SLC9A2: variants seen among roughly 807,000 people sequenced by gnomAD.
SLC9A2 encodes solute carrier family 9 member A2.
A neutral mutation model predicts 71.7 loss-of-function variants in SLC9A2; 42 were observed. The observed-to-expected ratio is 0.59, with a 90% confidence interval of 0.46 to 0.76. The LOEUF (loss-of-function observed/expected upper bound fraction) is 0.76, where lower values mean the gene tolerates loss of function less well. SLC9A2 is among the 30% of genes least tolerant of loss of function. The pLI is 0.00. For missense variants in SLC9A2, 829 were observed against 1,017.4 expected, an observed-to-expected ratio of 0.81 and a Z score of 2.52; for synonymous variants, 396 against 392.5, an observed-to-expected ratio of 1.01 and a Z score of -0.10.
intron 5 of SLC9A2, among the ~76,000 whole-genome samples, chr2:102,688,806 C>A (rs1442517919): frequency 1.3e-5 from 2 of 152,102 alleles, no homozygotes; most frequent in Non-Finnish European, 2.9e-5. Context: ...ATATATTTTT[C>A]TTTGGAAGGA....
chr2:102,688,677 G>C (rs989302972), intron 5 of SLC9A2, among the ~76,000 whole-genome samples: 1 of 152,074 alleles, frequency 6.6e-6, no homozygotes, highest in Non-Finnish European at 1.5e-5. Context: ...GCAGTGAGCC[G>C]AGATTTTGCC....
chr2:102,688,957 A>G (rs1677608460), intron 5 of SLC9A2, among the ~76,000 whole-genome samples: 1 of 152,216 alleles, frequency 6.6e-6, no homozygotes, highest in Admixed American at 6.5e-5. Flanking sequence ...AAGAGATAGC[A>G]GCCTCTTTTG....
chr2:102,689,963 A>G (rs1406077692), intron 5 of SLC9A2, among the ~76,000 whole-genome samples: 1 of 152,172 alleles, frequency 6.6e-6, no homozygotes, highest in Non-Finnish European at 1.5e-5. Context: ...ACACATATAT[A>G]TGAGTCTGGA....
At chr2:102,678,644 G>A (rs1677389670) in intron 3 of SLC9A2, among the ~76,000 whole-genome samples, 1 of 152,196 alleles carries the variant, frequency 6.6e-6, no homozygotes, top group East Asian at 1.9e-4. Flanking sequence ...TGGTGGCACT[G>A]TGATAATGCT....
chr2:102,621,824 G>T (rs1244603616), intron 1 of SLC9A2, among the ~76,000 whole-genome samples: 1 of 152,180 alleles, frequency 6.6e-6, no homozygotes, highest in East Asian at 1.9e-4. Flanking sequence ...ATTTAAACTG[G>T]ATTTTCCAGG....
At chr2:102,687,170 A>G (rs965921257) in intron 5 of SLC9A2, among the ~76,000 whole-genome samples, 2 of 151,940 alleles carry the variant, frequency 1.3e-5, no homozygotes, top group African/African-American at 4.8e-5. Context: ...TTCTCTGCCT[A>G]CCCTTCTGTG....
At chr2:102,625,680 A>G (rs940457542) in intron 1 of SLC9A2, among the ~76,000 whole-genome samples, 1 of 152,124 alleles carries the variant, frequency 6.6e-6, no homozygotes, top group Admixed American at 6.5e-5. Context: ...ATAGTATTCC[A>G]TGGTGTATAT....
At chr2:102,679,437 A>T (rs1026955216) in intron 3 of SLC9A2, among the ~76,000 whole-genome samples, 3 of 150,832 alleles carry the variant, frequency 2.0e-5, no homozygotes, top group Non-Finnish European at 2.9e-5. Context: ...GCTGGAGTGC[A>T]GTGGCGCGAT....
intron 5 of SLC9A2, chr2:102,689,932 T>C (rs1677626209): frequency 6.6e-6 from 1 of 151,346 alleles, no homozygotes; most frequent in Admixed American, 6.6e-5. Context: ...GATAGGCAGT[T>C]ATATATATAT....
At chr2:102,687,219 A>G (rs1412577443) in intron 5 of SLC9A2, among the ~76,000 whole-genome samples, 1 of 152,098 alleles carries the variant, frequency 6.6e-6, no homozygotes. Context: ...GCTTGGTTCC[A>G]TGACTCTGAC....
intron 1 of SLC9A2, among the ~76,000 whole-genome samples, chr2:102,622,163 A>T (rs1211080541): frequency 6.6e-6 from 1 of 152,186 alleles, no homozygotes; most frequent in East Asian, 1.9e-4. Context: ...AACCAGATAC[A>T]CACATGTTTG....
At chr2:102,662,017 T>C (rs368848503) in intron 2 of SLC9A2, among the ~76,000 whole-genome samples, 2 of 152,196 alleles carry the variant, frequency 1.3e-5, no homozygotes, top group African/African-American at 4.8e-5. Flanking sequence ...TAACTAGGTA[T>C]CAGGTTCATT....
chr2:102,645,177 A>G (rs1382183865), intron 1 of SLC9A2, among the ~76,000 whole-genome samples: 1 of 152,228 alleles, frequency 6.6e-6, no homozygotes, highest in Non-Finnish European at 1.5e-5. Context: ...GTGGACCTCC[A>G]GCAAACTCCA....
At chr2:102,630,635 T>A (rs1350178018) in intron 1 of SLC9A2, among the ~76,000 whole-genome samples, 2 of 151,988 alleles carry the variant, frequency 1.3e-5, no homozygotes, top group Non-Finnish European at 2.9e-5. Flanking sequence ...TTCTTGGTGA[T>A]TTTATCTTAT....
At chr2:102,643,429 T>C (rs1676650501) in intron 1 of SLC9A2, among the ~76,000 whole-genome samples, 1 of 152,214 alleles carries the variant, frequency 6.6e-6, no homozygotes, top group Non-Finnish European at 1.5e-5. Context: ...AAAACTTCTG[T>C]GCCTTGTGAG....
chr2:102,661,286 T>C (rs911214646), intron 2 of SLC9A2, among the ~76,000 whole-genome samples: 9 of 152,220 alleles, frequency 5.9e-5, no homozygotes, highest in African/African-American at 2.2e-4. Context: ...TTCCTCCATC[T>C]GCTCATAACC....
intron 7 of SLC9A2, among the ~76,000 whole-genome samples, chr2:102,695,781 T>TATATATATTATATATATA (rs1677746959): frequency 6.5e-5 from 1 of 15,492 alleles, no homozygotes; most frequent in African/African-American, 1.2e-4. Context: ...ATATATATTA[T>TATATATATTATATATATA]ATATATATTA....
intron 9 of SLC9A2, 109 bp downstream of exon 9, chr2:102,702,611 C>A: frequency 1.5e-6 from 1 of 659,312 alleles, no homozygotes; most frequent in Non-Finnish European, 2.7e-6. Context: ...CTCAGCAGGT[C>A]CCATGCTGGG....
At chr2:102,699,887 G>C (rs1677841703) in intron 7 of SLC9A2, among the ~76,000 whole-genome samples, 1 of 151,920 alleles carries the variant, frequency 6.6e-6, no homozygotes, top group Admixed American at 6.6e-5. Flanking sequence ...GTATGTTTTG[G>C]AATCCAAACC....
Sources: allele counts gnomAD v4.1 joint callset (sites outside exome capture counted in the v4.1 genomes callset), GRCh38; gene constraint gnomAD v4.1.1; transcripts MANE v1.5; gene names NCBI Gene and HGNC (gene_info 2026-07-23, HGNC 2026-07-21).